Variants in AGAP1 observed in about 807,000 individuals in gnomAD.
The protein encoded by AGAP1 is ArfGAP with GTPase domain, ankyrin repeat and PH domain 1.
AGAP1 carries 29 observed loss-of-function variants against 105.3 expected under a neutral mutation model. The observed-to-expected ratio is 0.28, with a 90% confidence interval of 0.21 to 0.38. The LOEUF is 0.38. AGAP1 is among the 10% of genes least tolerant of loss of function. AGAP1 has a pLI of 1.00. For missense variants in AGAP1, 998 were observed against 1,165.1 expected (o/e 0.86, Z 2.09); for synonymous variants, 509 against 485.9 (o/e 1.05, Z -0.63).
At chr2:235,916,316 A>C (rs2051882022) in intron 11 of AGAP1, among the ~76,000 whole-genome samples, 1 of 152,202 alleles carries the variant, frequency 6.6e-6, no homozygotes, top group South Asian at 2.1e-4. Context: ...TTGCCATTCT[A>C]ATGAGGATCC....
chr2:236,003,478 C>T lies in AGAP1; in HGVS notation c.1646-33083C>T, dbSNP rs1459934468. Among the ~76,000 whole-genome samples, 1 of 152,228 alleles carries T rather than the reference C, an allele frequency of 6.6e-6. No individual in the cohort carries two copies. Among genetic ancestry groups the T allele is most frequent in the Non-Finnish European group, 1.5e-5 (1 of 68,034 alleles). On this transcript the variant is annotated intron_variant, in intron 13 of 17. Coordinates refer to ENST00000304032, the MANE Select transcript of AGAP1 (RefSeq NM_001037131.3). This position sits in a 1 kb window ranked among gnomAD's most constrained non-coding sequence, Gnocchi z 4.2. ...GTGTGGTCGCACGTCCTCCTCATGG[C>T]CACGCTGGGATGGAGGTGGACTCTG...
intron 13 of AGAP1, among the ~76,000 whole-genome samples, chr2:235,999,519 G>A (rs1407497444): frequency 6.6e-6 from 1 of 150,548 alleles, no homozygotes; most frequent in African/African-American, 2.5e-5. Context: ...GATGGTGGTG[G>A]TGGTGGTGAT....
intron 9 of AGAP1, among the ~76,000 whole-genome samples, chr2:235,820,485 A>T (rs946174754): frequency 6.6e-6 from 1 of 152,328 alleles, no homozygotes; most frequent in East Asian, 1.9e-4. Flanking sequence ...ATTTGTTTAA[A>T]TAAATGTCTT....
chr2:235,869,871 G>A (rs543154378), intron 9 of AGAP1, among the ~76,000 whole-genome samples: 1 of 152,154 alleles, frequency 6.6e-6, no homozygotes, highest in East Asian at 1.9e-4. Context: ...CTCTTTACTT[G>A]GTCTCCCCAG....
Position 236,124,056 on chromosome 2 carries a change from C to T in AGAP1, c.2508C>T (p.Thr836=). 1.2e-6 allele frequency: 2 copies of T among 1,614,124 alleles called. No homozygotes were observed. Among genetic ancestry groups the T allele is most frequent in the Non-Finnish European group, 1.7e-6 (2 of 1,179,998 alleles). The change falls in exon 18 of 18, where the codon ACC becomes ACT. Residue 836 remains threonine, a synonymous_variant. Coordinates refer to ENST00000304032, the MANE Select transcript of AGAP1 (RefSeq NM_001037131.3). The surrounding 1 kb of genome is among the most constrained non-coding windows in gnomAD (Gnocchi z 5.1). ...ACGAGCGCTTCGTGCTCATGGCCACCCCTAACCTGTCCAGGAGAAACAATA... is the reference window on the plus strand; with the variant it reads ...ACGAGCGCTTCGTGCTCATGGCCACTCCTAACCTGTCCAGGAGAAACAATA... ...CPDERFVLMA[T]PNLSRRNNNR...
At chr2:235,876,519 C>A (rs566283871) in intron 9 of AGAP1, among the ~76,000 whole-genome samples, 10 of 152,326 alleles carry the variant, frequency 6.6e-5, no homozygotes, top group African/African-American at 2.4e-4. Flanking sequence ...GGAACCTCAA[C>A]GGCTGGCCTG....
In AGAP1 at chr2:235,844,431, G is replaced by A. The variant is rs889972959; in HGVS notation, c.1050+37100G>A. On this transcript the variant is annotated intron_variant, in intron 9 of 17. Transcript: ENST00000304032. ...GGTGTTGAAGGAAAGCCAGGAATTT[G>A]GATTTGCATATAAAATTTTATCATT... Among the ~76,000 whole-genome samples the A allele has an allele frequency of 2.0e-5, 3 of 152,270 alleles. No individual in the cohort carries two copies. The East Asian group carries it at 5.8e-4, about 29-fold the overall frequency.
intron 6 of AGAP1, among the ~76,000 whole-genome samples, chr2:235,763,568 A>C (rs1218356517): frequency 1.3e-5 from 2 of 152,164 alleles, no homozygotes; most frequent in Non-Finnish European, 2.9e-5. Context: ...CCATCTCTGG[A>C]AGTGAGACTG....
intron 10 of AGAP1, among the ~76,000 whole-genome samples, chr2:235,898,174 C>A (rs1024421206): frequency 6.6e-6 from 1 of 152,160 alleles, no homozygotes; most frequent in East Asian, 1.9e-4. Flanking sequence ...AGTCCTGCCC[C>A]GCAGGGCACT....
intron 1 of AGAP1, among the ~76,000 whole-genome samples, chr2:235,570,163 C>T (rs1309017626): frequency 6.6e-6 from 1 of 152,178 alleles, no homozygotes; most frequent in African/African-American, 2.4e-5. Context: ...TTGCTGTGCC[C>T]AGTTCCATGA....
In AGAP1 at chr2:235,730,817, A is replaced by G. The variant is rs147097624; in HGVS notation, c.311-10146A>G. On this transcript the variant is annotated intron_variant, in intron 3 of 17. Transcript: ENST00000304032. ...TTTGGTGGGTATCGGAAGATTTTCA[A>G]TCAATAGTTTACTTATTTGGTTATG... is the stretch of plus-strand genomic sequence containing the variant. Among the ~76,000 whole-genome samples, 1,030 of 152,272 alleles carry G rather than the reference A, an allele frequency of 6.8e-3. 9 individuals carry two copies. Among genetic ancestry groups the G allele is most frequent in the African/African-American group, 0.023 (976 of 41,546 alleles).
intron 1 of AGAP1, among the ~76,000 whole-genome samples, chr2:235,632,684 C>T (rs547745891): frequency 2.0e-5 from 3 of 152,200 alleles, no homozygotes; most frequent in Non-Finnish European, 2.9e-5. Flanking sequence ...CTCTGGGGAC[C>T]ACGGTTCTGT....
Position 235,621,066 on chromosome 2 carries a change from G to T in AGAP1, c.164-88113G>T, listed in dbSNP as rs967973857. Among the ~76,000 whole-genome samples, 2 of 152,070 alleles carry T rather than the reference G, an allele frequency of 1.3e-5. No individual in the cohort carries two copies. The highest frequency in any genetic ancestry group is 4.8e-5 in the African/African-American group (2 of 41,396). On this transcript the variant is annotated intron_variant, in intron 1 of 17. Transcript: ENST00000304032. This position sits in a 1 kb window ranked among gnomAD's most constrained non-coding sequence, Gnocchi z 4.1. ...GACCCAGTCTCGCTCTTGTCTCCCA[G>T]GCTGGAGTACAATGGCACAATCTTG...
intron 12 of AGAP1, among the ~76,000 whole-genome samples, chr2:235,966,850 G>A (rs534773757): frequency 2.0e-5 from 3 of 152,228 alleles, no homozygotes; most frequent in East Asian, 1.9e-4. Context: ...GCCTTAGGGC[G>A]GCCAGGAACG....
chr2:235,833,550 C>T (rs1479042013), intron 9 of AGAP1, among the ~76,000 whole-genome samples: 3 of 151,548 alleles, frequency 2.0e-5, no homozygotes, highest in Non-Finnish European at 2.9e-5. Context: ...CCGCCCCCTC[C>T]TCAGAGTGCT....
At position 235,970,152 on chromosome 2, in the gene AGAP1, A is replaced by G. The variant is rs1377710319; in HGVS notation, c.1645+1529A>G. Among the ~76,000 whole-genome samples, 2 of 149,778 alleles carry G rather than the reference A, an allele frequency of 1.3e-5. No individual in the cohort carries two copies. The highest frequency in any genetic ancestry group is 4.9e-5 in the African/African-American group (2 of 40,568). On this transcript the variant is annotated intron_variant, in intron 13 of 17. Coordinates refer to ENST00000304032, the MANE Select transcript of AGAP1 (RefSeq NM_001037131.3). The surrounding 1 kb of genome is among the most constrained non-coding windows in gnomAD (Gnocchi z 5.4). The stretch of plus-strand genomic sequence containing the variant: ...AGGAGGTGGAGGTTGCAGTGAACCG[A>G]GACCATGCCACTGCACTCCAGCCTG...
intron 3 of AGAP1, among the ~76,000 whole-genome samples, chr2:235,735,980 G>A (rs902595854): frequency 2.6e-5 from 4 of 152,066 alleles, no homozygotes; most frequent in South Asian, 2.1e-4. Flanking sequence ...AGGGATGCGG[G>A]TTCCGTTCTC....
At chr2:236,016,381 C>CTTTTTTTTT (rs151088125) in intron 13 of AGAP1, among the ~76,000 whole-genome samples, 1 of 114,676 alleles carries the variant, frequency 8.7e-6, no homozygotes, top group Non-Finnish European at 1.8e-5. Flanking sequence ...GTTGGGTTTG[C>CTTTTTTTTT]TTTTTTTTTT....
rs1459533950 is a variant in AGAP1, at chr2:236,005,889, A to G, written c.1646-30672A>G. ...CTTTGACTTGAGGTAGTGTCTGTCA[A>G]GTTATTCTGCTGTAAAGTCATTGTG... On this transcript the variant is annotated intron_variant, in intron 13 of 17. Transcript: ENST00000304032. This position sits in a 1 kb window ranked among gnomAD's most constrained non-coding sequence, Gnocchi z 4.1. Among the ~76,000 whole-genome samples, 1 of 152,166 alleles carries G rather than the reference A, an allele frequency of 6.6e-6. No homozygotes were observed. The highest frequency in any genetic ancestry group is 2.4e-5 in the African/African-American group (1 of 41,430).
Sources: allele counts gnomAD v4.1 joint callset (sites outside exome capture counted in the v4.1 genomes callset), GRCh38; gene constraint gnomAD v4.1.1; non-coding constraint Gnocchi (gnomAD v3.1); transcripts MANE v1.5; gene names NCBI Gene and HGNC (gene_info 2026-07-23, HGNC 2026-07-21).